Variants in CDK14 observed in about 807,000 individuals in gnomAD.
The protein encoded by CDK14 is cyclin-dependent kinase 14.
A neutral mutation model predicts 60.7 loss-of-function variants in CDK14; 34 were observed. That is an observed-to-expected ratio of 0.56 (90% CI 0.43 to 0.75). The LOEUF (loss-of-function observed/expected upper bound fraction) is 0.75. Among genes scored for constraint, CDK14 ranks in the 30% least tolerant of loss-of-function variants. The pLI, the probability that CDK14 is intolerant of heterozygous loss-of-function variation, is 0.00. For synonymous variants in CDK14, 197 were observed against 203.7 expected (o/e 0.97, Z 0.28); for missense variants, 482 against 564.1 (o/e 0.85, Z 1.47).
chr7:91,033,443 G>A (rs528074862), intron 10 of CDK14, among the ~76,000 whole-genome samples: 15 of 152,278 alleles, frequency 9.9e-5, no homozygotes, highest in African/African-American at 1.7e-4. Context: ...TTTTTAGGTC[G>A]AAAAGTCCAA....
At chr7:91,047,751 C>T (rs1453860924) in intron 11 of CDK14, among the ~76,000 whole-genome samples, 1 of 152,164 alleles carries the variant, frequency 6.6e-6, no homozygotes. Flanking sequence ...AAGCTCAGGG[C>T]TGTGAACCAC....
intron 9 of CDK14, among the ~76,000 whole-genome samples, chr7:90,963,738 C>T (rs1001356017): frequency 4.2e-4 from 44 of 105,486 alleles, no homozygotes; most frequent in African/African-American, 1.2e-3. Context: ...TTTTTTGAGA[C>T]GGAGTCTTAC....
chr7:91,030,844 A>G (rs539410193), intron 10 of CDK14, among the ~76,000 whole-genome samples: 1 of 152,304 alleles, frequency 6.6e-6, no homozygotes, highest in Non-Finnish European at 1.5e-5. Flanking sequence ...CCCTGGGCCT[A>G]GAAGCCTCAG....
At position 90,737,126 on chromosome 7, in the gene CDK14, T is replaced by A. The variant is rs200286833; in HGVS notation, c.369+10314T>A. Among the ~76,000 whole-genome samples the A allele has an allele frequency of 2.6e-5, 4 of 152,294 alleles. No homozygotes were observed. In the East Asian group the frequency reaches 7.7e-4, roughly 29 times the overall value. ...ATACCGTCACTGATGTGACAAACCT[T>A]CCCTCCCCTATTCCTGCCACCTCCT... On this transcript the variant is annotated intron_variant, in intron 3 of 14. Coordinates refer to ENST00000380050, the MANE Select transcript of CDK14 (RefSeq NM_001287135.2).
At chr7:90,832,935 G>A (rs867962727) in intron 5 of CDK14, among the ~76,000 whole-genome samples, 3 of 152,212 alleles carry the variant, frequency 2.0e-5, no homozygotes, top group African/African-American at 2.4e-5. Flanking sequence ...GGGACTGTCA[G>A]TGGTGTCTGC....
chr7:91,031,930 A>G (rs1239977010), intron 10 of CDK14, among the ~76,000 whole-genome samples: 7 of 152,230 alleles, frequency 4.6e-5, no homozygotes, highest in Non-Finnish European at 1.0e-4. Context: ...GAGGTCACCC[A>G]GTTGAGCACT....
At chr7:90,774,916 A>G (rs943392010) in intron 4 of CDK14, among the ~76,000 whole-genome samples, 3 of 152,210 alleles carry the variant, frequency 2.0e-5, no homozygotes, top group African/African-American at 4.8e-5. Flanking sequence ...TGAATGCGAC[A>G]TGCAAAATCT....
At chr7:90,826,687 T>G (rs1789734682) in intron 5 of CDK14, among the ~76,000 whole-genome samples, 1 of 152,134 alleles carries the variant, frequency 6.6e-6, no homozygotes, top group African/African-American at 2.4e-5. Context: ...ACTTGCATAG[T>G]CAGTTATGTG....
intron 6 of CDK14, among the ~76,000 whole-genome samples, chr7:90,877,807 C>A (rs1175591503): frequency 6.6e-6 from 1 of 151,926 alleles, no homozygotes; most frequent in Non-Finnish European, 1.5e-5. Context: ...AAAGAAAGGA[C>A]CAGGGATCTT....
At position 90,797,112 on chromosome 7, in the gene CDK14, C is replaced by T. The variant is rs934195152; in HGVS notation, c.544+6460C>T. 2.1e-4 allele frequency among the ~76,000 whole-genome samples: 32 copies of T among 151,732 alleles called. 2 individuals carry two copies. The highest frequency in any genetic ancestry group is 7.8e-4 in the African/African-American group (32 of 41,166). On this transcript the variant is annotated intron_variant, in intron 5 of 14. Coordinates refer to ENST00000380050, the MANE Select transcript of CDK14 (RefSeq NM_001287135.2). Reference sequence around the variant, plus strand: ...TCCATGTACAGTATAAGATAAGCCACCTCAATTAGTTTGCTAGGGCTGCTG... The same window carrying T: ...TCCATGTACAGTATAAGATAAGCCATCTCAATTAGTTTGCTAGGGCTGCTG...
intron 5 of CDK14, among the ~76,000 whole-genome samples, chr7:90,814,836 C>T (rs1014425285): frequency 1.3e-5 from 2 of 152,138 alleles, no homozygotes; most frequent in Non-Finnish European, 2.9e-5. Context: ...TTGTAAATGG[C>T]AACTGACAAG....
At chr7:90,788,238 C>T (rs1805680769) in intron 4 of CDK14, among the ~76,000 whole-genome samples, 1 of 152,158 alleles carries the variant, frequency 6.6e-6, no homozygotes, top group Non-Finnish European at 1.5e-5. Context: ...TTACTGCCTC[C>T]TCAGGGAGCC....
At chr7:90,612,800 A>T (rs567126801) in intron 2 of CDK14, among the ~76,000 whole-genome samples, 4 of 148,198 alleles carry the variant, frequency 2.7e-5, no homozygotes, top group East Asian at 2.0e-4. Context: ...AAAAGATTTT[A>T]TATTACTTTC....
intron 5 of CDK14, among the ~76,000 whole-genome samples, chr7:90,841,089 C>A (rs1299817560): frequency 1.3e-5 from 2 of 151,960 alleles, no homozygotes; most frequent in Non-Finnish European, 2.9e-5. Flanking sequence ...TGCTTTATAC[C>A]TTTAGAAATT....
intron 8 of CDK14, among the ~76,000 whole-genome samples, chr7:90,948,653 C>T (rs192478207): frequency 6.6e-6 from 1 of 152,254 alleles, no homozygotes; most frequent in Non-Finnish European, 1.5e-5. Context: ...CATCTATAGG[C>T]AATATGTGAG....
intron 14 of CDK14, among the ~76,000 whole-genome samples, chr7:91,125,909 A>T (rs1203930075): frequency 6.6e-6 from 1 of 152,146 alleles, no homozygotes; most frequent in African/African-American, 2.4e-5. Context: ...AAATGCCCTC[A>T]ATTACATATA....
intron 5 of CDK14, among the ~76,000 whole-genome samples, chr7:90,853,543 C>A (rs998342178): frequency 6.6e-6 from 1 of 152,142 alleles, no homozygotes; most frequent in African/African-American, 2.4e-5. Flanking sequence ...CACACACTCA[C>A]ACACACCATA....
chr7:90,819,271 T>C (rs2082066232), intron 5 of CDK14, among the ~76,000 whole-genome samples: 1 of 152,200 alleles, frequency 6.6e-6, no homozygotes, highest in African/African-American at 2.4e-5. Context: ...TATTTTTCTT[T>C]GTTTACAAGG....
chr7:90,993,331 C>G (rs1795589557), intron 10 of CDK14, among the ~76,000 whole-genome samples: 1 of 151,980 alleles, frequency 6.6e-6, no homozygotes, highest in Non-Finnish European at 1.5e-5. Context: ...GGATATTTTA[C>G]AATCAATATT....
Sources: allele counts gnomAD v4.1 joint callset (sites outside exome capture counted in the v4.1 genomes callset), GRCh38; gene constraint gnomAD v4.1.1; transcripts MANE v1.5; gene names NCBI Gene and HGNC (gene_info 2026-07-23, HGNC 2026-07-21).